Variants in CEP112 observed in about 807,000 individuals in gnomAD.
CEP112 encodes centrosomal protein of 112 kDa.
Under a neutral mutation model 153.0 loss-of-function variants are expected in CEP112, and 127 were observed. That is an observed-to-expected ratio of 0.83 (90% CI 0.72 to 0.96). The LOEUF is 0.96. Ranked by LOEUF, CEP112 falls within the 40% of genes least tolerant of loss-of-function variation. The pLI, the probability that CEP112 is intolerant of heterozygous loss-of-function variation, is 0.00. For missense variants in CEP112, 1,089 were observed against 1,101.2 expected (o/e 0.99, Z 0.16); for synonymous variants, 358 against 374.4 (o/e 0.96, Z 0.51).
intron 24 of CEP112, among the ~76,000 whole-genome samples, chr17:65,643,336 C>T (rs966963649): frequency 5.3e-5 from 8 of 152,048 alleles, no homozygotes; most frequent in Non-Finnish European, 7.4e-5. Context: ...TTCAATCTGT[C>T]GCCCAGGCTG....
chr17:66,176,609 G>T, intron 3 of CEP112: 1 of 362,358 alleles, frequency 2.8e-6, no homozygotes, highest in Non-Finnish European at 4.9e-6. Flanking sequence ...AAATACTGTT[G>T]AATACTGAGG....
At chr17:65,722,357 TC>T (rs1262471530) in intron 23 of CEP112, among the ~76,000 whole-genome samples, 1 of 152,162 alleles carries the variant, frequency 6.6e-6, no homozygotes, top group Admixed American at 6.5e-5. Flanking sequence ...CAAGGGATTC[TC>T]CTGCCTCAGC....
At chr17:66,040,862 C>G (rs1253285454) in intron 12 of CEP112, among the ~76,000 whole-genome samples, 3 of 152,100 alleles carry the variant, frequency 2.0e-5, no homozygotes, top group Non-Finnish European at 4.4e-5. Flanking sequence ...TTATTAGTAT[C>G]TTTCTTTAAG....
chr17:65,918,189 A>AAAG (rs1420025939), intron 19 of CEP112, among the ~76,000 whole-genome samples: 1 of 151,740 alleles, frequency 6.6e-6, no homozygotes, highest in African/African-American at 2.4e-5. Context: ...CAAAAAAAAA[A>AAAG]AAAAATTAAA....
intron 17 of CEP112, among the ~76,000 whole-genome samples, chr17:65,962,399 C>T (rs1180997260): frequency 6.6e-6 from 1 of 152,070 alleles, no homozygotes; most frequent in East Asian, 1.9e-4. Flanking sequence ...AGCAGATTGC[C>T]TAAAAGAACT....
chr17:65,870,082 A>AAAGAAAGAAAAG (rs1458255110), intron 20 of CEP112, among the ~76,000 whole-genome samples: 1 of 73,254 alleles, frequency 1.4e-5, no homozygotes, highest in African/African-American at 3.8e-5. Context: ...AGAAAGAAAG[A>AAAGAAAGAAAAG]AAAGAAAGAA....
chr17:65,907,457 A>C (rs916677641), intron 19 of CEP112, among the ~76,000 whole-genome samples: 1 of 152,166 alleles, frequency 6.6e-6, no homozygotes, highest in Non-Finnish European at 1.5e-5. Flanking sequence ...CCTTTTAAAT[A>C]TCATTCACTT....
chr17:66,081,126 C>T (rs2067701113), intron 8 of CEP112, among the ~76,000 whole-genome samples: 1 of 151,706 alleles, frequency 6.6e-6, no homozygotes, highest in Non-Finnish European at 1.5e-5. Flanking sequence ...CAAACCTGTA[C>T]GTTCTGCACA....
At chr17:66,124,835 C>T (rs190539340) in intron 6 of CEP112, among the ~76,000 whole-genome samples, 1 of 152,212 alleles carries the variant, frequency 6.6e-6, no homozygotes. Context: ...AGTTGGTTTG[C>T]TTTTTGTATT....
intron 24 of CEP112, among the ~76,000 whole-genome samples, chr17:65,680,142 A>G (rs1031481619): frequency 2.0e-5 from 3 of 152,142 alleles, no homozygotes; most frequent in African/African-American, 7.2e-5. Flanking sequence ...GGGCACTGGC[A>G]TTTTGCTTTC....
chr17:65,678,198 C>G (rs908680076), intron 24 of CEP112, among the ~76,000 whole-genome samples: 1 of 151,876 alleles, frequency 6.6e-6, no homozygotes, highest in South Asian at 2.1e-4. Context: ...TACCTGTTCA[C>G]TGAATTCTAT....
chr17:66,148,524 G>T (rs995229403), intron 4 of CEP112, among the ~76,000 whole-genome samples: 1 of 152,060 alleles, frequency 6.6e-6, no homozygotes, highest in African/African-American at 2.4e-5. Flanking sequence ...TGTCTTTTTA[G>T]ATTCTTTCAT....
chr17:65,949,323 G>T (rs1432197560), intron 18 of CEP112, among the ~76,000 whole-genome samples: 2 of 152,116 alleles, frequency 1.3e-5, no homozygotes, highest in Non-Finnish European at 2.9e-5. Flanking sequence ...ACTGCACTTG[G>T]CAAAACTACA....
At chr17:65,986,154 T>C (rs1212946657) in intron 17 of CEP112, among the ~76,000 whole-genome samples, 1 of 151,170 alleles carries the variant, frequency 6.6e-6, no homozygotes, top group East Asian at 1.9e-4. Context: ...CTCACTAAAA[T>C]ACCTAGAAAG....
At chr17:65,643,480 T>A (rs1486240137) in intron 24 of CEP112, among the ~76,000 whole-genome samples, 1 of 139,908 alleles carries the variant, frequency 7.1e-6, no homozygotes, top group Non-Finnish European at 1.5e-5. Context: ...TTTTTTTTTT[T>A]AGTAGAGATG....
chr17:65,769,061 T>C (rs1363767572), intron 21 of CEP112, among the ~76,000 whole-genome samples: 3 of 152,096 alleles, frequency 2.0e-5, no homozygotes, highest in African/African-American at 4.8e-5. Flanking sequence ...AAAAACCTAT[T>C]AGATCTAATA....
intron 10 of CEP112, among the ~76,000 whole-genome samples, chr17:66,064,141 C>T (rs1042196379): frequency 4.6e-5 from 7 of 152,100 alleles, no homozygotes; most frequent in East Asian, 1.9e-4. Flanking sequence ...GATTTACTTG[C>T]CTGTTTCCTC....
rs1473499010 is a variant in CEP112, at chr17:65,816,011, T to G, written c.2394+35793A>C. Among the ~76,000 whole-genome samples the G allele has an allele frequency of 2.0e-5, 3 of 152,176 alleles. No individual in the cohort carries two copies. The East Asian group carries it at 5.8e-4, about 29-fold the overall frequency. ...TTGTTGCACTTCCTACGACCTCCAG[T>G]ATAAAGTGAATAGAAGTGGTAACAG... On this transcript the variant is annotated intron_variant, in intron 21 of 26. Transcript: ENST00000535342.
intron 17 of CEP112, among the ~76,000 whole-genome samples, chr17:66,000,227 T>C (rs2063967404): frequency 1.0e-5 from 1 of 97,008 alleles, no homozygotes; most frequent in South Asian, 5.0e-4. Context: ...CTCACTGGCA[T>C]CTGTTTTTTT....
Sources: gnomAD v4.1 joint callset for allele counts (sites outside exome capture counted in the v4.1 genomes callset) on GRCh38, gnomAD v4.1.1 for gene constraint, MANE v1.5 for transcripts, NCBI Gene and HGNC (gene_info 2026-07-23, HGNC 2026-07-21) for gene names.